The following HOXA11 variants were observed in gnomAD, a reference collection of about 807,000 sequenced individuals.
HOXA11 encodes homeobox protein Hox-A11.
In HOXA11, 8 loss-of-function variants were observed where a neutral mutation model predicts 22.5. The ratio of observed to expected loss-of-function variants is 0.36; its 90% CI spans 0.21 to 0.64. The LOEUF is 0.64. Among genes scored for constraint, HOXA11 ranks in the 30% least tolerant of loss-of-function variants. The pLI, the probability that HOXA11 is intolerant of heterozygous loss-of-function variation, is 0.67. For synonymous variants in HOXA11, 211 were observed against 188.4 expected, an observed-to-expected ratio of 1.12 and a Z score of -0.98; for missense variants, 388 against 429.0, an observed-to-expected ratio of 0.90 and a Z score of 0.84.
In HOXA11 at chr7:27,185,002, G is replaced by A; in HGVS notation, c.143C>T (p.Ser48Phe). Residue 48 changes from serine to phenylalanine, a missense_variant, in exon 1 of 2, where the codon TCC (serine) becomes TTC (phenylalanine). Around this residue, in one of 4 missense-constraint regions of HOXA11, gnomAD observed 295 missense variants for 281.1 expected, o/e 1.05. Transcript: ENST00000006015. ...GGGTTGGACCTGGGGCAGGTTGGAG[G>A]AGTAGGAGTATGTCATTGGGCGCGA... ...PSSRPMTYSY[S>F]SNLPQVQPVR... is the part of the protein sequence containing the mutation. 2 of 1,614,158 alleles carry A rather than the reference G, an allele frequency of 1.2e-6. No individual in the cohort carries two copies. Among genetic ancestry groups the A allele is most frequent in the Non-Finnish European group, 8.5e-7 (1 of 1,179,996 alleles).
chr7:27,183,798 G>A (rs1300511550), intron 1 of HOXA11, among the ~76,000 whole-genome samples: 1 of 124,340 alleles, frequency 8.0e-6, no homozygotes, highest in African/African-American at 3.1e-5. Context: ...AAAAAAAATC[G>A]CTTTTGACAG....
chr7:27,182,942 T>C lies in HOXA11; in HGVS notation c.796A>G (p.Ile266Val), dbSNP rs557441185. 5.6e-6 allele frequency: 9 copies of C among 1,614,124 alleles called. No homozygotes were observed. The highest frequency in any genetic ancestry group is 2.2e-5 in the East Asian group (1 of 44,876). ...LEREFFFSVYINKEKRLQLSR... is the reference protein window; with the variant it reads ...LEREFFFSVYVNKEKRLQLSR... ...AGTTGCAGGCGCTTCTCTTTGTTAA[T>C]GTAGACGCTGAAGAAGAACTCCCGT... is the stretch of plus-strand genomic sequence containing the variant. The change falls in exon 2 of 2, where the codon ATT becomes GTT. Residue 266 changes from isoleucine (I) to valine (V), a missense_variant. This residue lies in a region of HOXA11 where 55 missense variants were observed against 90.8 expected (regional missense o/e 0.61). Coordinates refer to ENST00000006015, the MANE Select transcript of HOXA11 (RefSeq NM_005523.6).
At position 27,184,701 on chromosome 7, in the gene HOXA11, G is replaced by T; in HGVS notation, c.444C>A (p.Tyr148Ter). 1 of 1,613,574 alleles carries T rather than the reference G, an allele frequency of 6.2e-7. No homozygotes were observed. Among genetic ancestry groups the T allele is most frequent in the Non-Finnish European group, 8.5e-7 (1 of 1,179,912 alleles). ...QAFDQFFETA[Y>*]GTPENLASSD... ...AGGAGGCGAGGTTTTCCGGGGTGCC[G>T]TAGGCTGTCTCGAAAAACTGGTCGA... Residue 148 changes from tyrosine (Y) to a stop codon, truncating the protein, a stop_gained, in exon 1 of 2, where the codon TAC becomes TAA. Transcript: ENST00000006015. LOFTEE classifies it high-confidence loss of function.
rs770093706 is a variant in HOXA11, at chr7:27,184,917, G to A, written c.228C>T (p.Arg76=). Residue 76 remains arginine, a synonymous_variant, in exon 1 of 2, where the codon CGC becomes CGT. Coordinates refer to ENST00000006015, the MANE Select transcript of HOXA11 (RefSeq NM_005523.6). ...AIEPATKWHP[R]GNLAHCYSAE... ...CGGAGTAGCAGTGGGCCAGATTGCCGCGGGGGTGCCATTTAGTGGCGGGCT... is the reference window on the plus strand; with the variant it reads ...CGGAGTAGCAGTGGGCCAGATTGCCACGGGGGTGCCATTTAGTGGCGGGCT... The A allele has an allele frequency of 6.2e-7, 1 of 1,614,044 alleles. No individual in the cohort carries two copies. The highest frequency in any genetic ancestry group is 8.5e-7 in the Non-Finnish European group (1 of 1,179,940).
At chr7:27,183,671 A>C (rs551133277) in intron 1 of HOXA11, among the ~76,000 whole-genome samples, 2 of 147,186 alleles carry the variant, frequency 1.4e-5, no homozygotes, top group Non-Finnish European at 3.0e-5. Flanking sequence ...ACGGCAGAGC[A>C]GCGGCTCTAT....
Position 27,182,791 on chromosome 7 carries a change from G to A in HOXA11, c.*5C>T, listed in dbSNP as rs184605433. On this transcript the variant is annotated 3_prime_UTR_variant, in exon 2 of 2. Coordinates refer to ENST00000006015, the MANE Select transcript of HOXA11 (RefSeq NM_005523.6). ...GCCCCCCACCCAATTCCAGCCGCTG[G>A]AGTCTTAGAGGAGTGGATTTGCTGA... 3.2e-6 allele frequency: 5 copies of A among 1,556,802 alleles called. No homozygotes were observed. The African/African-American group carries it at 6.8e-5, about 21-fold the overall frequency.
At position 27,181,607 on chromosome 7, in the gene HOXA11, A is replaced by G; in HGVS notation, c.*1189T>C. 1 of 187,976 alleles carries G rather than the reference A, an allele frequency of 5.3e-6. No individual in the cohort carries two copies. The highest frequency in any genetic ancestry group is 8.5e-5 in the East Asian group (1 of 11,726). The allele number at this position is 187,976 out of a possible 1,614,324, so 11.6% of individuals were successfully genotyped here. A position where few individuals can be genotyped will look rare whatever the true frequency, so the allele number is the denominator to read the frequency against. On this transcript the variant is annotated 3_prime_UTR_variant, in exon 2 of 2. Coordinates refer to ENST00000006015, the MANE Select transcript of HOXA11 (RefSeq NM_005523.6). ...TTCTTAGCAGTGAGCGAGTTTAACC[A>G]CGGAACACTGTAAACAGATAGGGCC... is the stretch of plus-strand genomic sequence containing the variant.
Position 27,182,357 on chromosome 7 carries a change from C to T in HOXA11, c.*439G>A, listed in dbSNP as rs1783783898. On this transcript the variant is annotated 3_prime_UTR_variant, in exon 2 of 2. Transcript: ENST00000006015. ...GCACCTAGTAATCCTACCCCTTCCT[C>T]CTGCCCCTGTCCCCAAGCTGAACTG... 1 of 327,638 alleles carries T rather than the reference C, an allele frequency of 3.1e-6. No homozygotes were observed. Among genetic ancestry groups the T allele is most frequent in the Non-Finnish European group, 5.7e-6 (1 of 174,720 alleles). The allele number at this position is 327,638 out of a possible 1,614,324, so 20.3% of individuals were successfully genotyped here. A position where few individuals can be genotyped will look rare whatever the true frequency, so the allele number is the denominator to read the frequency against.
At position 27,184,895 on chromosome 7, in the gene HOXA11, A is replaced by T; in HGVS notation, c.250T>A (p.Ser84Thr). The change falls in exon 1 of 2, where the codon TCC becomes ACC. Residue 84 changes from serine (S) to threonine (T), a missense_variant. Physicochemically the swap from Ser to Thr is moderately conservative, Grantham distance 58. Around this residue, in one of 4 missense-constraint regions of HOXA11, gnomAD observed 295 missense variants for 281.1 expected, o/e 1.05. Coordinates refer to ENST00000006015, the MANE Select transcript of HOXA11 (RefSeq NM_005523.6). ...TCTCTGTGCACGAGCTCCTCCGCGG[A>T]GTAGCAGTGGGCCAGATTGCCGCGG... Reference protein sequence around the residue: ...HPRGNLAHCYSAEELVHRDCL... With the variant: ...HPRGNLAHCYTAEELVHRDCL... 1 of 1,614,018 alleles carries T rather than the reference A, an allele frequency of 6.2e-7. No individual in the cohort carries two copies. Among genetic ancestry groups the T allele is most frequent in the Non-Finnish European group, 8.5e-7 (1 of 1,179,982 alleles).
Position 27,182,499 on chromosome 7 carries a change from G to A in HOXA11, c.*297C>T. Reference sequence around the variant, plus strand: ...GGGTCTGGCAGGGGCCCAATCCCCAGTGGAGACCACACCCAGCCCGCAGCT... The same window carrying A: ...GGGTCTGGCAGGGGCCCAATCCCCAATGGAGACCACACCCAGCCCGCAGCT... On this transcript the variant is annotated 3_prime_UTR_variant, in exon 2 of 2. Transcript: ENST00000006015. 2.0e-6 allele frequency: 1 copy of A among 488,344 alleles called. No individual in the cohort carries two copies. Among genetic ancestry groups the A allele is most frequent in the East Asian group, 3.7e-5 (1 of 27,296 alleles). The allele number at this position is 488,344 out of a possible 1,614,324, so 30.3% of individuals were successfully genotyped here.
Position 27,184,586 on chromosome 7 carries a change from G to GCGCGCCCGTTGCAGCCGCCGCCGCCGC in HOXA11, c.532_558dup (p.Ala178_Ala186dup). 1 of 1,496,774 alleles carries GCGCGCCCGTTGCAGCCGCCGCCGCCGC rather than the reference G, an allele frequency of 6.7e-7. No homozygotes were observed. The highest frequency in any genetic ancestry group is 8.9e-7 in the Non-Finnish European group (1 of 1,122,720). 92.7% of individuals were successfully genotyped at this position (1,496,774 alleles called of 1,614,324 possible). On this transcript the variant is annotated inframe_insertion, in exon 1 of 2. Coordinates refer to ENST00000006015, the MANE Select transcript of HOXA11 (RefSeq NM_005523.6). Reference sequence around the variant, plus strand: ...CCGCTGTCCGAACTTGAAGTTGCCGGCGCGCCCGTTGCAGCCGCCGCCGCC... The same window carrying GCGCGCCCGTTGCAGCCGCCGCCGCCGC: ...CCGCTGTCCGAACTTGAAGTTGCCGGCGCGCCCGTTGCAGCCGCCGCCGCCGCCGCGCCCGTTGCAGCCGCCGCCGCC...
At position 27,181,389 on chromosome 7, in the gene HOXA11, C is replaced by G. The variant is rs933545869; in HGVS notation, c.*1407G>C. The G allele has an allele frequency of 3.7e-4, 77 of 206,432 alleles. No individual in the cohort carries two copies. The highest frequency in any genetic ancestry group is 1.4e-3 in the African/African-American group (61 of 43,854). The allele number at this position is 206,432 out of a possible 1,614,324, so 12.8% of individuals were successfully genotyped here. On this transcript the variant is annotated 3_prime_UTR_variant, in exon 2 of 2. Transcript: ENST00000006015. ...CGACTGCCTCTGAGCATTTCCCTAACTCTTTCCAAATGTTGCAAGAGATTA... is the reference window on the plus strand; with the variant it reads ...CGACTGCCTCTGAGCATTTCCCTAAGTCTTTCCAAATGTTGCAAGAGATTA...
In HOXA11 at chr7:27,185,156, C is replaced by T. The variant is rs1267603544; in HGVS notation, c.-12G>A. ...TCATCAAAATCCATTATTGGGCTACCTTGGGCTCTCCGCAGTAGCCGAGCT... is the reference window on the plus strand; with the variant it reads ...TCATCAAAATCCATTATTGGGCTACTTTGGGCTCTCCGCAGTAGCCGAGCT... On this transcript the variant is annotated 5_prime_UTR_variant, in exon 1 of 2. Transcript: ENST00000006015. 1 of 1,613,672 alleles carries T rather than the reference C, an allele frequency of 6.2e-7. No individual in the cohort carries two copies. Among genetic ancestry groups the T allele is most frequent in the African/African-American group, 1.3e-5 (1 of 75,040 alleles).
At chr7:27,183,096 C>T (rs1783795975) in intron 1 of HOXA11, 68 bp from the exon 2 acceptor site, 3 of 1,087,332 alleles carry the variant, frequency 2.8e-6, no homozygotes, top group Non-Finnish European at 2.8e-6. Flanking sequence ...GAGCCCATAG[C>T]TGAGGAGAAG....
chr7:27,184,100 C>A (rs943211001), intron 1 of HOXA11, among the ~76,000 whole-genome samples: 4 of 152,158 alleles, frequency 2.6e-5, no homozygotes, highest in African/African-American at 9.7e-5. Context: ...GAAGCCCTTG[C>A]AGGGGGAATT....
chr7:27,183,746 T>TAAAAA (rs1562515624), intron 1 of HOXA11, among the ~76,000 whole-genome samples: 1 of 50,312 alleles, frequency 2.0e-5, no homozygotes, highest in Non-Finnish European at 3.8e-5. Context: ...TGCTCCCCCT[T>TAAAAA]TAAAAAAAAA....
Position 27,184,870 on chromosome 7 carries a change from T to C in HOXA11, c.275A>G (p.Asp92Gly). Residue 92 changes from aspartate (D) to glycine (G), a missense_variant, in exon 1 of 2, where the codon GAC becomes GGC. This residue lies in a region of HOXA11 where 295 missense variants were observed against 281.1 expected (regional missense o/e 1.05). Transcript: ENST00000006015. ...GGCCGCGCTGGGCGCCTGCAGGCAG[T>C]CTCTGTGCACGAGCTCCTCCGCGGA... ...CYSAEELVHR[D>G]CLQAPSAAGV... is the part of the protein sequence containing the mutation. 1.2e-6 allele frequency: 2 copies of C among 1,613,818 alleles called. No homozygotes were observed. Among genetic ancestry groups the C allele is most frequent in the Non-Finnish European group, 1.7e-6 (2 of 1,179,812 alleles).
chr7:27,181,654 T>C lies in HOXA11; in HGVS notation c.*1142A>G. 5.5e-6 allele frequency: 1 copy of C among 180,710 alleles called. No homozygotes were observed. Among genetic ancestry groups the C allele is most frequent in the Non-Finnish European group, 1.2e-5 (1 of 84,456 alleles). 11.2% of individuals were successfully genotyped at this position (180,710 alleles called of 1,614,324 possible). A position where few individuals can be genotyped will look rare whatever the true frequency, so the allele number is the denominator to read the frequency against. ...GGCCTTTAAATATTTTCATCATCTCTTTTCCCCTCTACATTGCATCTTTTA... is the reference window on the plus strand; with the variant it reads ...GGCCTTTAAATATTTTCATCATCTCCTTTCCCCTCTACATTGCATCTTTTA... On this transcript the variant is annotated 3_prime_UTR_variant, in exon 2 of 2. Transcript: ENST00000006015.
rs2115462721 is a variant in HOXA11, at chr7:27,184,652, C to A, written c.493G>T (p.Ala165Ser). ...GTGGCCGCCGGGGGCCCCTTCTCGGCGCTCTTGTCCCCGGGGTAGTCGGAG... is the reference window on the plus strand; with the variant it reads ...GTGGCCGCCGGGGGCCCCTTCTCGGAGCTCTTGTCCCCGGGGTAGTCGGAG... ...ASSDYPGDKSAEKGPPAATAT... is the reference protein window; with the variant it reads ...ASSDYPGDKSSEKGPPAATAT... The change falls in exon 1 of 2, where the codon GCC becomes TCC. Residue 165 changes from alanine (A) to serine (S), a missense_variant. Transcript: ENST00000006015. 1 of 1,606,168 alleles carries A rather than the reference C, an allele frequency of 6.2e-7. No homozygotes were observed. The highest frequency in any genetic ancestry group is 1.3e-5 in the African/African-American group (1 of 74,584).
Sources: allele counts gnomAD v4.1 joint callset (sites outside exome capture counted in the v4.1 genomes callset), GRCh38; gene constraint gnomAD v4.1.1; regional missense constraint gnomAD v4.1.1; transcripts MANE v1.5; gene names NCBI Gene and HGNC (gene_info 2026-07-23, HGNC 2026-07-21).